Variants in UHMK1 observed in about 807,000 individuals in gnomAD.
UHMK1 encodes the protein serine/threonine-protein kinase Kist.
In UHMK1, 18 loss-of-function variants were observed where a neutral mutation model predicts 44.0. The observed-to-expected ratio is 0.41, with a 90% CI of 0.28 to 0.61. UHMK1 has a LOEUF of 0.61. Among genes scored for constraint, UHMK1 ranks in the 20% least tolerant of loss-of-function variants. UHMK1 has a pLI of 0.31. For synonymous variants in UHMK1, 231 were observed against 198.5 expected, an observed-to-expected ratio of 1.16 and a Z score of -1.38; for missense variants, 463 against 522.5, an observed-to-expected ratio of 0.89 and a Z score of 1.11.
chr1:162,498,931 C>T (rs1651164209), intron 1 of UHMK1, among the ~76,000 whole-genome samples: 1 of 152,152 alleles, frequency 6.6e-6, no homozygotes. Flanking sequence ...GTCTTATTTC[C>T]TAGCAAGTAT....
chr1:162,498,323 C>T (rs947659542), intron 1 of UHMK1, 55 bp downstream of exon 1: 4 of 1,513,038 alleles, frequency 2.6e-6, no homozygotes, highest in Non-Finnish European at 2.7e-6. Context: ...CGAGCACACT[C>T]TTCCTCTCGC....
At position 162,523,521 on chromosome 1, in the gene UHMK1, T is replaced by C. The variant is rs1017080425; in HGVS notation, c.*971T>C. 1 of 152,636 alleles carries C rather than the reference T, an allele frequency of 6.6e-6. No individual in the cohort carries two copies. Among genetic ancestry groups the C allele is most frequent in the Non-Finnish European group, 1.5e-5 (1 of 68,046 alleles). The allele number at this position is 152,636 out of a possible 1,614,324, so 9.5% of individuals were successfully genotyped here. On this transcript the variant is annotated 3_prime_UTR_variant, in exon 8 of 8. Coordinates refer to ENST00000489294, the MANE Select transcript of UHMK1 (RefSeq NM_175866.5). Reference sequence around the variant, plus strand: ...TTTTAGTTTACTTTAGACTTTGTATTAGCTCATCTTTTTTGTAGTAAATCT... The same window carrying C: ...TTTTAGTTTACTTTAGACTTTGTATCAGCTCATCTTTTTTGTAGTAAATCT...
intron 6 of UHMK1, among the ~76,000 whole-genome samples, chr1:162,515,620 G>A (rs1402187075): frequency 6.6e-6 from 1 of 152,130 alleles, no homozygotes; most frequent in South Asian, 2.1e-4. Flanking sequence ...AGGTACAATG[G>A]CTCTGAATTT....
chr1:162,497,267 C>T (rs1281714222), upstream of UHMK1: 1 of 702,576 alleles, frequency 1.4e-6, no homozygotes, highest in Non-Finnish European at 2.6e-6. Flanking sequence ...CTTACCAGAC[C>T]GAAGGTCTGT....
chr1:162,512,248 G>A (rs1651693715), intron 4 of UHMK1, among the ~76,000 whole-genome samples: 1 of 151,280 alleles, frequency 6.6e-6, no homozygotes, highest in African/African-American at 2.4e-5. Context: ...ACAGAGTGTG[G>A]ATCACTTTGC....
chr1:162,505,312 A>G (rs115902684), intron 4 of UHMK1, among the ~76,000 whole-genome samples: 1,778 of 152,286 alleles, frequency 0.012, 39 homozygotes, highest in African/African-American at 0.04. Context: ...GTCATCTCCT[A>G]TGTTAACAAT....
chr1:162,501,758 A>G (rs1309482183), intron 3 of UHMK1, among the ~76,000 whole-genome samples: 1 of 152,106 alleles, frequency 6.6e-6, no homozygotes, highest in Non-Finnish European at 1.5e-5. Context: ...AAGTTAAATG[A>G]TAAGTTTTAT....
At chr1:162,516,690 G>GA (rs1651848568) in intron 6 of UHMK1, among the ~76,000 whole-genome samples, 1 of 152,006 alleles carries the variant, frequency 6.6e-6, no homozygotes, top group Admixed American at 6.5e-5. Context: ...ATAGTTTAAA[G>GA]AAAAAATATT....
At chr1:162,516,028 C>G (rs1240973266) in intron 6 of UHMK1, among the ~76,000 whole-genome samples, 1 of 150,362 alleles carries the variant, frequency 6.7e-6, no homozygotes, top group East Asian at 2.0e-4. Context: ...AGCGAGACTC[C>G]GTCTCAAAAA....
At position 162,522,627 on chromosome 1, in the gene UHMK1, C is replaced by G; in HGVS notation, c.*77C>G. On this transcript the variant is annotated 3_prime_UTR_variant, in exon 8 of 8. Transcript: ENST00000489294. ...TTCCACATATGAATGCAGGACTACCCCCTTACCATTTTAAGAAGGTACTTT... is the reference window on the plus strand; with the variant it reads ...TTCCACATATGAATGCAGGACTACCGCCTTACCATTTTAAGAAGGTACTTT... 18 of 1,443,854 alleles carry G rather than the reference C, an allele frequency of 1.2e-5. No individual in the cohort carries two copies. The highest frequency in any genetic ancestry group is 1.6e-5 in the Non-Finnish European group (17 of 1,058,174). 89.4% of individuals were successfully genotyped at this position (1,443,854 alleles called of 1,614,324 possible).
At chr1:162,499,859 T>C (rs145909962) in intron 1 of UHMK1, 96 bp from the exon 2 acceptor site, 2 of 1,170,318 alleles carry the variant, frequency 1.7e-6, no homozygotes, top group Non-Finnish European at 1.2e-6. Context: ...AAAGTTATCC[T>C]TATCTAGACT....
At chr1:162,497,653 G>A (rs1651095756), upstream of UHMK1, among the ~76,000 whole-genome samples, 2 of 152,138 alleles carry the variant, frequency 1.3e-5, no homozygotes, top group Admixed American at 6.5e-5. Flanking sequence ...TGTGAAAGCG[G>A]TTAACACTGG....
intron 4 of UHMK1, among the ~76,000 whole-genome samples, chr1:162,506,550 C>T (rs756933503): frequency 1.6e-4 from 24 of 152,158 alleles, no homozygotes; most frequent in Admixed American, 7.2e-4. Flanking sequence ...GTATGTGTCT[C>T]ATCCCAATCT....
At chr1:162,519,673 A>T (rs1651984615) in intron 7 of UHMK1, among the ~76,000 whole-genome samples, 1 of 152,122 alleles carries the variant, frequency 6.6e-6, no homozygotes, top group East Asian at 1.9e-4. Context: ...TAGTATTTTT[A>T]TTTTTTGAGA....
At chr1:162,510,662 GTTT>G (rs1224569730) in intron 4 of UHMK1, among the ~76,000 whole-genome samples, 1 of 148,502 alleles carries the variant, frequency 6.7e-6, no homozygotes, top group Non-Finnish European at 1.5e-5. Flanking sequence ...TTACACATCT[GTTT>G]TTTAATTTTT....
At chr1:162,497,749 G>C, upstream of UHMK1, 1 of 1,253,662 alleles carries the variant, frequency 8.0e-7, no homozygotes, top group Non-Finnish European at 1.0e-6. Flanking sequence ...ATCTCTTCTA[G>C]GCCCCGCCCC....
Position 162,500,932 on chromosome 1 carries a change from C to G in UHMK1, c.581C>G (p.Thr194Arg). 6.2e-7 allele frequency: 1 copy of G among 1,613,800 alleles called. No homozygotes were observed. Among genetic ancestry groups the G allele is most frequent in the Non-Finnish European group, 8.5e-7 (1 of 1,179,924 alleles). ...EGNQDVKYIQ[T>R]DGYRAPEAEL... ...TTTTAGGATGTAAAGTATATTCAGA[C>G]AGACGGGTATCGGGCTCCAGAAGCA... is the stretch of plus-strand genomic sequence containing the variant. Residue 194 changes from threonine (T) to arginine (R), a missense_variant, in exon 3 of 8, where the codon ACA becomes AGA. Thr to Arg is a moderately conservative substitution (Grantham distance 71). Around this residue, in one of 3 missense-constraint regions of UHMK1, gnomAD observed 264 missense variants for 326.3 expected, o/e 0.81. Coordinates refer to ENST00000489294, the MANE Select transcript of UHMK1 (RefSeq NM_175866.5).
rs1652230355 is a variant in UHMK1, at chr1:162,525,931, C to T, written c.*3381C>T. 1 of 152,146 alleles carries T rather than the reference C, an allele frequency of 6.6e-6. No homozygotes were observed. Among genetic ancestry groups the T allele is most frequent in the African/African-American group, 2.4e-5 (1 of 41,434 alleles). The allele number at this position is 152,146 out of a possible 1,614,324, so 9.4% of individuals were successfully genotyped here. A position where few individuals can be genotyped will look rare whatever the true frequency, so the allele number is the denominator to read the frequency against. On this transcript the variant is annotated 3_prime_UTR_variant, in exon 8 of 8. Coordinates refer to ENST00000489294, the MANE Select transcript of UHMK1 (RefSeq NM_175866.5). ...TTTTTTAAAAGAAAATCTCCAAATACTTATTTAACTTGTCTTCTAGATTCA... is the reference window on the plus strand; with the variant it reads ...TTTTTTAAAAGAAAATCTCCAAATATTTATTTAACTTGTCTTCTAGATTCA...
Position 162,526,840 on chromosome 1 carries a change from C to G in UHMK1, c.*4290C>G, listed in dbSNP as rs149453362. ...GGATCTCTAGTTCTGTTTTTAATAT[C>G]AGGTTCCTTCATCAAATTTTACTAC... is the stretch of plus-strand genomic sequence containing the variant. On this transcript the variant is annotated 3_prime_UTR_variant, in exon 8 of 8. Coordinates refer to ENST00000489294, the MANE Select transcript of UHMK1 (RefSeq NM_175866.5). The G allele has an allele frequency of 8.5e-5, 13 of 152,114 alleles. No individual in the cohort carries two copies. In the East Asian group the frequency reaches 2.5e-3, roughly 29 times the overall value. The allele number at this position is 152,114 out of a possible 1,614,324, so 9.4% of individuals were successfully genotyped here.
Sources: gnomAD v4.1 joint callset for allele counts (sites outside exome capture counted in the v4.1 genomes callset) on GRCh38, gnomAD v4.1.1 for gene constraint, gnomAD v4.1.1 regional missense constraint, MANE v1.5 for transcripts, NCBI Gene and HGNC (gene_info 2026-07-23, HGNC 2026-07-21) for gene names.